Variants in ERCC4 observed in about 807,000 individuals in gnomAD.
The protein encoded by ERCC4 is DNA repair endonuclease XPF.
ERCC4 carries 65 observed loss-of-function variants against 76.9 expected under a neutral mutation model. The ratio of observed to expected loss-of-function variants is 0.84; its 90% CI spans 0.69 to 1.04. The LOEUF (loss-of-function observed/expected upper bound fraction) is 1.04, where lower values mean the gene tolerates loss of function less well. Ranked by LOEUF, ERCC4 falls within the 50% of genes least tolerant of loss-of-function variation. The pLI, the probability that ERCC4 is intolerant of heterozygous loss-of-function variation, is 0.00. For synonymous variants in ERCC4, 463 were observed against 410.1 expected (o/e 1.13, Z -1.56); for missense variants, 1,214 against 1,128.2 (o/e 1.08, Z -1.09).
intron 7 of ERCC4, 169 bp from the exon 8 acceptor site, chr16:13,934,977 A>G (rs1379932769): frequency 1.6e-6 from 1 of 609,314 alleles, no homozygotes; most frequent in Non-Finnish European, 2.9e-6. Context: ...GCCAGAGAGG[A>G]GAAAGCATTT....
rs527349868 is a variant in ERCC4 at position 13,927,557 on chromosome 16, C to CAA, written c.585-451_585-450dup. The CAA allele has an allele frequency of 8.7e-3, 449 of 51,598 alleles. 7 individuals are homozygous for CAA. The highest frequency in any genetic ancestry group is 0.019 in the African/African-American group (322 of 16,734). The allele number at this position is 51,598 out of a possible 1,614,324, so 3.2% of individuals were successfully genotyped here. A position where few individuals can be genotyped will look rare whatever the true frequency, so the allele number is the denominator to read the frequency against. Reference sequence around the variant, plus strand: ...CTGGGCAACGAGCGAAACTCCATCTCAAAAAAAAAAAAAAAAAAAAAGAGT... The same window carrying CAA: ...CTGGGCAACGAGCGAAACTCCATCTCAAAAAAAAAAAAAAAAAAAAAAAGAGT... On this transcript the variant is annotated intron_variant, in intron 3 of 10. Coordinates refer to ENST00000311895, the MANE Select transcript of ERCC4 (RefSeq NM_005236.3).
At chr16:13,928,427 A>C (rs1186832671) in intron 4 of ERCC4, among the ~76,000 whole-genome samples, 192 bp downstream of exon 4, 1 of 152,212 alleles carries the variant, frequency 6.6e-6, no homozygotes, top group Non-Finnish European at 1.5e-5. Flanking sequence ...ATTGGCATAT[A>C]AGCATCACTC....
intron 2 of ERCC4, among the ~76,000 whole-genome samples, chr16:13,925,179 T>C (rs1004800990): frequency 1.3e-5 from 2 of 152,208 alleles, no homozygotes; most frequent in Non-Finnish European, 2.9e-5. Flanking sequence ...CCTAACCCAG[T>C]TACCTGGGAT....
At chr16:13,927,900 T>C in intron 3 of ERCC4, 128 bp from the exon 4 acceptor site, 1 of 703,498 alleles carries the variant, frequency 1.4e-6, no homozygotes, top group Non-Finnish European at 2.5e-6. Flanking sequence ...TGCTTTGCTT[T>C]TCATTTGTTT....
In ERCC4 at chr16:13,935,524, A is replaced by T; in HGVS notation, c.1592A>T (p.His531Leu). The change falls in exon 8 of 11, where the codon CAT becomes CTT. Residue 531 changes from histidine to leucine, a missense_variant. Physicochemically the swap from His to Leu is moderately conservative, Grantham distance 99 (BLOSUM62 -3). Transcript: ENST00000311895. ...SPESCPEEIK[H>L]EEFDVNLSSD... ...GAAAGCTGCCCGGAAGAAATTAAGC[A>T]TGAAGAATTTGATGTAAATTTGTCA... The T allele has an allele frequency of 1.2e-6, 2 of 1,614,186 alleles. No individual in the cohort carries two copies. The highest frequency in any genetic ancestry group is 8.5e-7 in the Non-Finnish European group (1 of 1,180,026).
intron 2 of ERCC4, among the ~76,000 whole-genome samples, chr16:13,923,451 C>T (rs533231946): frequency 1.3e-5 from 2 of 152,224 alleles, no homozygotes; most frequent in South Asian, 4.2e-4. Flanking sequence ...TGTCATGTTG[C>T]CCTGAACCTA....
At chr16:13,920,567 AT>A (rs2031953131) in intron 1 of ERCC4, among the ~76,000 whole-genome samples, 195 bp downstream of exon 1, 1 of 151,796 alleles carries the variant, frequency 6.6e-6, no homozygotes. Flanking sequence ...ACACAGACGT[AT>A]GTAAGGGGTC....
At position 13,949,889 on chromosome 16, in the gene ERCC4, G is replaced by A. The variant is rs1789001778; in HGVS notation, c.*1542G>A. On this transcript the variant is annotated 3_prime_UTR_variant, in exon 11 of 11. Transcript: ENST00000311895. ...TTTCATCAACATCAGCTGTTTTTTT[G>A]TTTGCTACACTATTTGAACTAATAG... 8.6e-6 allele frequency: 2 copies of A among 232,198 alleles called. No homozygotes were observed. Among genetic ancestry groups the A allele is most frequent in the Non-Finnish European group, 1.7e-5 (2 of 117,614 alleles). 14.4% of individuals were successfully genotyped at this position (232,198 alleles called of 1,614,324 possible).
rs1442249361 is a variant in ERCC4 at position 13,935,131 on chromosome 16, GT to G, written c.1214-11del. ...AGTGAGGTAATAGTAACATAATGTT[GT>G]TTTCTATTTTCAGGTCAAGTACTGA... On this transcript the variant is annotated splice_polypyrimidine_tract_variant and intron_variant, in intron 7 of 10. Coordinates refer to ENST00000311895, the MANE Select transcript of ERCC4 (RefSeq NM_005236.3). 6.3e-7 allele frequency: 1 copy of G among 1,582,386 alleles called. No individual in the cohort carries two copies. The highest frequency in any genetic ancestry group is 1.7e-5 in the Admixed American group (1 of 59,988).
At chr16:13,931,424 C>A (rs1234842388) in intron 5 of ERCC4, 1 of 160,408 alleles carries the variant, frequency 6.2e-6, no homozygotes, top group African/African-American at 2.4e-5. Flanking sequence ...AGATTTAATA[C>A]AGTTAATAAT....
chr16:13,933,017 G>T (rs1415483272), intron 6 of ERCC4: 1 of 313,380 alleles, frequency 3.2e-6, no homozygotes, highest in African/African-American at 2.6e-5. Flanking sequence ...CTGCACTCCA[G>T]CCTGGGCAAC....
At chr16:13,932,736 A>T (rs1002611242) in intron 6 of ERCC4, 32 of 200,404 alleles carry the variant, frequency 1.6e-4, no homozygotes, top group Non-Finnish European at 4.0e-5. Context: ...ACAAAGCAAG[A>T]CTCCATCTCT....
intron 2 of ERCC4, among the ~76,000 whole-genome samples, chr16:13,924,199 G>A (rs768701242): frequency 1.3e-5 from 2 of 152,174 alleles, no homozygotes; most frequent in Non-Finnish European, 2.9e-5. Context: ...CCTCTGGAAA[G>A]GCTGAATCCC....
At chr16:13,940,493 A>G (rs2032392513) in intron 9 of ERCC4, among the ~76,000 whole-genome samples, 1 of 152,210 alleles carries the variant, frequency 6.6e-6, no homozygotes, top group South Asian at 2.1e-4. Flanking sequence ...CTCCCAGTGG[A>G]GTCACATGGA....
chr16:13,942,322 A>AT (rs1162949931), intron 9 of ERCC4, among the ~76,000 whole-genome samples: 2 of 152,048 alleles, frequency 1.3e-5, no homozygotes, highest in Admixed American at 6.5e-5. Flanking sequence ...TCTCGAATAT[A>AT]TTTTTTCTCA....
intron 10 of ERCC4, among the ~76,000 whole-genome samples, chr16:13,947,009 A>G (rs1394972013): frequency 6.6e-6 from 1 of 152,070 alleles, no homozygotes; most frequent in Non-Finnish European, 1.5e-5. Context: ...TGATCCGTCC[A>G]CCTCGGCCTC....
intron 2 of ERCC4, 78 bp downstream of exon 2, chr16:13,922,289 C>T (rs1377491218): frequency 2.0e-6 from 2 of 1,013,222 alleles, no homozygotes; most frequent in African/African-American, 3.3e-5. Flanking sequence ...TTTTATTTTT[C>T]TCCAGAGAAT....
At chr16:13,924,374 T>C (rs1287094191) in intron 2 of ERCC4, among the ~76,000 whole-genome samples, 1 of 152,224 alleles carries the variant, frequency 6.6e-6, no homozygotes, top group Non-Finnish European at 1.5e-5. Flanking sequence ...TTGCCAAAAC[T>C]GACCCTGACA....
In ERCC4 at chr16:13,948,310, T is replaced by G. The variant is rs774160726; in HGVS notation, c.2714T>G (p.Phe905Cys). 1.2e-6 allele frequency: 2 copies of G among 1,613,658 alleles called. No homozygotes were observed. Among genetic ancestry groups the G allele is most frequent in the East Asian group, 2.2e-5 (1 of 44,868 alleles). Residue 905 changes from phenylalanine to cysteine, a missense_variant, in exon 11 of 11, where the codon TTT becomes TGT. Phe to Cys is a radical substitution (Grantham distance 205). Transcript: ENST00000311895. The stretch of plus-strand genomic sequence containing the variant: ...CTTTATGATTTCATTCACACCTCTT[T>G]TGCAGAAGTCGTATCAAAAGGAAAA... Reference protein sequence around the residue: ...KQLYDFIHTSFAEVVSKGKGK... With the variant: ...KQLYDFIHTSCAEVVSKGKGK...
Sources: allele counts gnomAD v4.1 joint callset (sites outside exome capture counted in the v4.1 genomes callset), GRCh38; gene constraint gnomAD v4.1.1; transcripts MANE v1.5; gene names NCBI Gene and HGNC (gene_info 2026-07-23, HGNC 2026-07-21).